The following OPCML variants were observed in gnomAD, a reference collection of about 807,000 sequenced individuals.
OPCML encodes opioid binding protein/cell adhesion molecule like, also known as opioid-binding protein/cell adhesion molecule.
A neutral mutation model predicts 37.8 loss-of-function variants in OPCML; 13 were observed. That is an observed-to-expected ratio of 0.34 (90% CI 0.22 to 0.55). The LOEUF is 0.55. Ranked by LOEUF, OPCML falls within the 20% of genes least tolerant of loss-of-function variation. The probability of loss-of-function intolerance (pLI) is 0.91; values close to 1 mark genes in which losing one functional copy is unlikely to be tolerated. For synonymous variants in OPCML, 176 were observed against 168.8 expected, an observed-to-expected ratio of 1.04 and a Z score of -0.33; for missense variants, 341 against 435.6, an observed-to-expected ratio of 0.78 and a Z score of 1.93.
At chr11:133,130,508 A>C (rs1159369222) in intron 1 of OPCML, among the ~76,000 whole-genome samples, 1 of 152,220 alleles carries the variant, frequency 6.6e-6, no homozygotes, top group African/African-American at 2.4e-5. Context: ...CTGATAAAAG[A>C]AATCAAAGAC....
At chr11:132,918,037 G>T (rs1466919408) in intron 2 of OPCML, among the ~76,000 whole-genome samples, 3 of 152,142 alleles carry the variant, frequency 2.0e-5, no homozygotes, top group Non-Finnish European at 4.4e-5. Flanking sequence ...CCTATTTTAT[G>T]ATTAGAGTTA....
At chr11:132,794,449 AT>A (rs1161951409) in intron 2 of OPCML, among the ~76,000 whole-genome samples, 1 of 152,132 alleles carries the variant, frequency 6.6e-6, no homozygotes, top group Non-Finnish European at 1.5e-5. Context: ...CTGGATAAAT[AT>A]TTTTTCTAAT....
At chr11:133,473,017 C>T (rs1306650444) in intron 1 of OPCML, among the ~76,000 whole-genome samples, 1 of 152,170 alleles carries the variant, frequency 6.6e-6, no homozygotes, top group Non-Finnish European at 1.5e-5. Flanking sequence ...AAGAACCATA[C>T]TGATGCTGCA....
intron 1 of OPCML, among the ~76,000 whole-genome samples, chr11:133,179,471 G>A (rs1451670080): frequency 6.6e-6 from 1 of 152,148 alleles, no homozygotes; most frequent in Non-Finnish European, 1.5e-5. Context: ...ACTCTACAGG[G>A]GAAGGGTCTG....
intron 3 of OPCML, among the ~76,000 whole-genome samples, chr11:132,597,804 A>G (rs1565696862): frequency 6.6e-6 from 1 of 152,194 alleles, no homozygotes; most frequent in Non-Finnish European, 1.5e-5. Context: ...TATAAGGATA[A>G]AACACACGTA....
At chr11:132,743,138 C>T (rs1259487409) in intron 2 of OPCML, among the ~76,000 whole-genome samples, 2 of 152,156 alleles carry the variant, frequency 1.3e-5, no homozygotes, top group African/African-American at 2.4e-5. Context: ...CGTGAATGGA[C>T]TTCCTCTTTC....
chr11:133,202,894 C>T (rs553999206), intron 1 of OPCML, among the ~76,000 whole-genome samples: 2 of 152,342 alleles, frequency 1.3e-5, no homozygotes, highest in East Asian at 1.9e-4. Flanking sequence ...TGCAGCTCAG[C>T]GCTTCTGCTT....
At chr11:132,602,033 C>G (rs781012574) in intron 3 of OPCML, among the ~76,000 whole-genome samples, 2 of 152,162 alleles carry the variant, frequency 1.3e-5, no homozygotes, top group Non-Finnish European at 2.9e-5. Flanking sequence ...CAGACTGCCA[C>G]TCACAACCGT....
intron 2 of OPCML, among the ~76,000 whole-genome samples, chr11:132,910,865 T>C (rs1428416599): frequency 6.6e-6 from 1 of 152,228 alleles, no homozygotes; most frequent in Non-Finnish European, 1.5e-5. Flanking sequence ...AGGACCATTG[T>C]GGCTGCATGA....
At chr11:133,157,344 G>A (rs769197512) in intron 1 of OPCML, among the ~76,000 whole-genome samples, 3 of 152,148 alleles carry the variant, frequency 2.0e-5, no homozygotes, top group Non-Finnish European at 4.4e-5. Flanking sequence ...AGCTGCAGTC[G>A]GAGCTCTCCC....
At chr11:132,427,492 G>A (rs1433171940) in intron 7 of OPCML, among the ~76,000 whole-genome samples, 1 of 152,156 alleles carries the variant, frequency 6.6e-6, no homozygotes, top group Non-Finnish European at 1.5e-5. Flanking sequence ...CAAACGTGGC[G>A]CTGTGTTGTT....
chr11:133,395,567 T>C (rs929930374), intron 1 of OPCML, among the ~76,000 whole-genome samples: 10 of 152,272 alleles, frequency 6.6e-5, no homozygotes, highest in African/African-American at 2.4e-4. Flanking sequence ...TTGATTCTTG[T>C]ATATGGCAAG....
intron 2 of OPCML, among the ~76,000 whole-genome samples, chr11:132,769,400 C>T (rs1252750213): frequency 6.6e-6 from 1 of 152,036 alleles, no homozygotes; most frequent in African/African-American, 2.4e-5. Context: ...GACATCCCCA[C>T]AAACAAGACT....
intron 2 of OPCML, among the ~76,000 whole-genome samples, chr11:132,857,386 C>T (rs1166339769): frequency 6.6e-6 from 1 of 152,158 alleles, no homozygotes; most frequent in African/African-American, 2.4e-5. Context: ...AAAACTAGTA[C>T]ATTTTAATGT....
chr11:132,654,053 A>G (rs945678273), intron 3 of OPCML, among the ~76,000 whole-genome samples: 1 of 152,190 alleles, frequency 6.6e-6, no homozygotes, highest in African/African-American at 2.4e-5. Flanking sequence ...CATTATCTTT[A>G]TCTAACCTGA....
At chr11:133,492,238 C>A (rs916377624) in intron 1 of OPCML, among the ~76,000 whole-genome samples, 2 of 152,196 alleles carry the variant, frequency 1.3e-5, no homozygotes, top group Non-Finnish European at 2.9e-5. Flanking sequence ...AGGAATCAAC[C>A]TGCCTCCCCA....
chr11:133,172,910 A>G (rs1950307332), intron 1 of OPCML, among the ~76,000 whole-genome samples: 1 of 152,250 alleles, frequency 6.6e-6, no homozygotes, highest in Admixed American at 6.5e-5. Flanking sequence ...TGTATAAGGT[A>G]AGTACTATTT....
intron 2 of OPCML, among the ~76,000 whole-genome samples, chr11:132,761,271 G>A (rs550206812): frequency 5.4e-5 from 8 of 148,156 alleles, no homozygotes; most frequent in African/African-American, 1.7e-4. Context: ...GGTAAATCTG[G>A]TGATTATGTG....
rs1242010142 is a variant in OPCML, at chr11:133,458,775, GTA to G, written c.61+73487_61+73488del. Among the ~76,000 whole-genome samples, 196 of 129,756 alleles carry G rather than the reference GTA, an allele frequency of 1.5e-3. 8 individuals are homozygous for G. The highest frequency in any genetic ancestry group is 6.9e-3 in the African/African-American group (172 of 24,990). The allele number at this position is 129,756 out of a possible 152,430, so 85.1% of individuals were successfully genotyped here. On this transcript the variant is annotated intron_variant, in intron 1 of 7. Coordinates refer to ENST00000524381, the MANE Select transcript of OPCML (RefSeq NM_001012393.5). ...TATATACACATAGATGCACGTGTGT[GTA>G]TATACACATAGATGCACGTGTGTGT...
Sources: allele counts gnomAD v4.1 joint callset (sites outside exome capture counted in the v4.1 genomes callset), GRCh38; gene constraint gnomAD v4.1.1; transcripts MANE v1.5; gene names NCBI Gene and HGNC (gene_info 2026-07-23, HGNC 2026-07-21).